Variants in NPAS3 observed in about 807,000 individuals in gnomAD.
NPAS3 encodes the protein neuronal PAS domain-containing protein 3.
In NPAS3, 14 loss-of-function variants were observed where a neutral mutation model predicts 73.1. The observed-to-expected ratio is 0.19, with a 90% CI of 0.13 to 0.30. The LOEUF is 0.30. Among genes scored for constraint, NPAS3 ranks in the 10% least tolerant of loss-of-function variants. NPAS3 has a pLI of 1.00. For missense variants in NPAS3, 1,096 were observed against 1,250.0 expected (o/e 0.88, Z 1.86); for synonymous variants, 620 against 541.5 (o/e 1.14, Z -2.01).
At chr14:33,529,204 A>G (rs2053933582) in intron 4 of NPAS3, among the ~76,000 whole-genome samples, 1 of 152,132 alleles carries the variant, frequency 6.6e-6, no homozygotes, top group African/African-American at 2.4e-5. Flanking sequence ...TGCTAGTATT[A>G]AGAAAATTAC....
intron 4 of NPAS3, among the ~76,000 whole-genome samples, chr14:33,450,575 C>T (rs1329545737): frequency 6.6e-6 from 1 of 152,064 alleles, no homozygotes; most frequent in Admixed American, 6.6e-5. Context: ...ATTTCTGGCA[C>T]TTTATTTCTT....
chr14:33,531,643 G>T (rs1270655491), intron 4 of NPAS3, among the ~76,000 whole-genome samples: 1 of 152,084 alleles, frequency 6.6e-6, no homozygotes, highest in Non-Finnish European at 1.5e-5. Flanking sequence ...AAATATTTGT[G>T]CACAGATTTT....
rs578161048 is a variant in NPAS3, at chr14:33,533,344, A to T, written c.469-26777A>T. 2.2e-4 allele frequency among the ~76,000 whole-genome samples: 33 copies of T among 152,312 alleles called. No homozygotes were observed. In the East Asian group the frequency reaches 6.2e-3, roughly 28 times the overall value. Reference sequence around the variant, plus strand: ...TGCCATTAGAACATGGTCAAAAGATACGAATGGAAATGTCACCAAAGAAAT... The same window carrying T: ...TGCCATTAGAACATGGTCAAAAGATTCGAATGGAAATGTCACCAAAGAAAT... On this transcript the variant is annotated intron_variant, in intron 4 of 11. Coordinates refer to ENST00000356141, the Ensembl canonical transcript of NPAS3.
intron 2 of NPAS3, among the ~76,000 whole-genome samples, chr14:33,212,069 G>A (rs1484984994): frequency 3.9e-5 from 6 of 152,140 alleles, no homozygotes; most frequent in Non-Finnish European, 7.4e-5. Context: ...TTTATTTTGG[G>A]TTTTAATATA....
intron 1 of NPAS3, among the ~76,000 whole-genome samples, chr14:33,049,183 G>A (rs1302952502): frequency 6.6e-6 from 1 of 152,192 alleles, no homozygotes; most frequent in African/African-American, 2.4e-5. Flanking sequence ...AATGTTTATT[G>A]AGTGAGTGAA....
At chr14:33,307,996 C>T (rs1223527519) in intron 3 of NPAS3, among the ~76,000 whole-genome samples, 2 of 152,134 alleles carry the variant, frequency 1.3e-5, no homozygotes, top group Non-Finnish European at 2.9e-5. Context: ...TTGGGTCCCG[C>T]TGCAACATTT....
intron 4 of NPAS3, among the ~76,000 whole-genome samples, chr14:33,504,840 G>A (rs1368407659): frequency 1.3e-5 from 2 of 152,042 alleles, no homozygotes; most frequent in African/African-American, 4.8e-5. Flanking sequence ...AGACCAGCAT[G>A]CTATGGGATT....
At chr14:33,754,549 A>G (rs892085830) in intron 7 of NPAS3, among the ~76,000 whole-genome samples, 1 of 152,162 alleles carries the variant, frequency 6.6e-6, no homozygotes, top group East Asian at 1.9e-4. Context: ...GAGGGAGACC[A>G]TGGCTTCAAT....
intron 3 of NPAS3, among the ~76,000 whole-genome samples, chr14:33,354,971 G>A (rs1376556526): frequency 6.6e-6 from 1 of 152,076 alleles, no homozygotes; most frequent in Non-Finnish European, 1.5e-5. Flanking sequence ...GCACACACAC[G>A]TGCTCATGTC....
At chr14:33,504,683 T>G (rs997743296) in intron 4 of NPAS3, among the ~76,000 whole-genome samples, 2 of 152,068 alleles carry the variant, frequency 1.3e-5, no homozygotes, top group African/African-American at 4.8e-5. Context: ...AAATATTTAT[T>G]CAGCACCTAC....
chr14:33,393,875 T>C (rs1471737785), intron 4 of NPAS3, among the ~76,000 whole-genome samples: 2 of 152,214 alleles, frequency 1.3e-5, no homozygotes, highest in Non-Finnish European at 2.9e-5. Flanking sequence ...TTTTGAATCT[T>C]TGCGACTATA....
intron 2 of NPAS3, among the ~76,000 whole-genome samples, chr14:33,096,363 T>G (rs2042419878): frequency 6.6e-6 from 1 of 152,198 alleles, no homozygotes; most frequent in African/African-American, 2.4e-5. Context: ...TGCTTCCACT[T>G]TACTTCCCTT....
chr14:33,518,535 C>G (rs2053409404), intron 4 of NPAS3, among the ~76,000 whole-genome samples: 1 of 151,676 alleles, frequency 6.6e-6, no homozygotes, highest in African/African-American at 2.4e-5. Flanking sequence ...TGCCTCATCA[C>G]TCTGCAATAT....
At chr14:33,486,316 T>A (rs2051594376) in intron 4 of NPAS3, among the ~76,000 whole-genome samples, 1 of 152,142 alleles carries the variant, frequency 6.6e-6, no homozygotes, top group African/African-American at 2.4e-5. Context: ...GGCGTCCTCA[T>A]CTGTCTTGAT....
At position 33,468,548 on chromosome 14, in the gene NPAS3, G is replaced by T. The variant is rs1173383127; in HGVS notation, c.469-91573G>T. ...CTTCTCTATAAGAATCAATCTCAGAGAATTATTTTTTAAATATTAATGAAG... is the reference window on the plus strand; with the variant it reads ...CTTCTCTATAAGAATCAATCTCAGATAATTATTTTTTAAATATTAATGAAG... On this transcript the variant is annotated intron_variant, in intron 4 of 11. Transcript: ENST00000356141. Among the ~76,000 whole-genome samples the T allele has an allele frequency of 7.2e-5, 11 of 152,290 alleles. No individual in the cohort carries two copies. The East Asian group carries it at 2.1e-3, about 29-fold the overall frequency.
At chr14:32,999,248 A>G (rs569390172) in intron 1 of NPAS3, among the ~76,000 whole-genome samples, 2 of 152,186 alleles carry the variant, frequency 1.3e-5, no homozygotes, top group Non-Finnish European at 2.9e-5. Context: ...GCGGTGGCTC[A>G]TGCCTGTAAT....
chr14:33,592,132 T>A (rs2057090860), intron 5 of NPAS3, among the ~76,000 whole-genome samples: 1 of 152,154 alleles, frequency 6.6e-6, no homozygotes, highest in South Asian at 2.1e-4. Context: ...TCCAATTTGA[T>A]GTGGATTAAA....
chr14:33,119,335 A>T (rs1400554013), intron 2 of NPAS3, among the ~76,000 whole-genome samples: 2 of 152,120 alleles, frequency 1.3e-5, no homozygotes, highest in African/African-American at 4.8e-5. Flanking sequence ...TACGTAAGAC[A>T]GAAATGCTTG....
intron 4 of NPAS3, among the ~76,000 whole-genome samples, chr14:33,522,727 A>G (rs1015512522): frequency 1.6e-4 from 24 of 152,018 alleles, no homozygotes; most frequent in African/African-American, 5.6e-4. Context: ...ATCCCACCCT[A>G]CTCCTTTGGT....
Sources: gnomAD v4.1 joint callset for allele counts (sites outside exome capture counted in the v4.1 genomes callset) on GRCh38, gnomAD v4.1.1 for gene constraint, MANE v1.5 for transcripts, NCBI Gene and HGNC (gene_info 2026-07-23, HGNC 2026-07-21) for gene names.